Variants in HEATR1 observed in about 807,000 individuals in gnomAD.
HEATR1 encodes the protein HEAT repeat containing 1.
HEATR1 carries 77 observed loss-of-function variants against 248.2 expected under a neutral mutation model. The observed-to-expected ratio is 0.31, with a 90% confidence interval of 0.26 to 0.37. The LOEUF is 0.37. Ranked by LOEUF, HEATR1 falls within the 10% of genes least tolerant of loss-of-function variation. HEATR1 has a pLI of 1.00. For synonymous variants in HEATR1, 897 were observed against 923.1 expected (o/e 0.97, Z 0.51); for missense variants, 2,420 against 2,504.9 (o/e 0.97, Z 0.72).
intron 28 of HEATR1, among the ~76,000 whole-genome samples, chr1:236,570,150 G>T (rs186036535): frequency 6.6e-6 from 1 of 152,102 alleles, no homozygotes; most frequent in Non-Finnish European, 1.5e-5. Context: ...TTAGCCGGGC[G>T]TGGTGGCGGG....
At chr1:236,578,311 TTTA>T (rs1321911749) in intron 20 of HEATR1, among the ~76,000 whole-genome samples, 1 of 152,244 alleles carries the variant, frequency 6.6e-6, no homozygotes, top group African/African-American at 2.4e-5. Context: ...TGATTTTGCC[TTTA>T]TTATATTCAT....
intron 23 of HEATR1, 61 bp from the exon 24 acceptor site, chr1:236,574,394 T>G (rs1037051780): frequency 6.6e-7 from 1 of 1,516,988 alleles, no homozygotes; most frequent in Non-Finnish European, 8.9e-7. Flanking sequence ...CCAGAAATAA[T>G]TTTTATATCA....
In HEATR1 at chr1:236,558,319, T is replaced by C. The variant is rs1663031402; in HGVS notation, c.5122A>G (p.Lys1708Glu). The change falls in exon 36 of 45, where the codon AAG (lysine) becomes GAG (glutamate). Residue 1708 changes from lysine to glutamate, a missense_variant. Transcript: ENST00000366582. ...KLIAPERKEEKNVLGSALLCI... is the reference protein window; with the variant it reads ...KLIAPERKEEENVLGSALLCI... ...AGCAGCGCGCTTCCCAGGACATTCT[T>C]CTCCTCCTTTCTCTCTGGAGCAATC... 2 of 1,614,030 alleles carry C rather than the reference T, an allele frequency of 1.2e-6. No homozygotes were observed. Among genetic ancestry groups the C allele is most frequent in the African/African-American group, 2.7e-5 (2 of 74,918 alleles).
chr1:236,586,007 T>C, intron 15 of HEATR1, 66 bp from the exon 16 acceptor site: 1 of 1,568,270 alleles, frequency 6.4e-7, no homozygotes, highest in Non-Finnish European at 8.7e-7. Flanking sequence ...ACATGAAGAA[T>C]TCAGGCAAAC....
chr1:236,571,969 T>C (rs972582013), intron 26 of HEATR1, among the ~76,000 whole-genome samples: 1 of 152,190 alleles, frequency 6.6e-6, no homozygotes, highest in African/African-American at 2.4e-5. Flanking sequence ...TTACTTTGCC[T>C]TTCACATGAA....
At chr1:236,568,909 AAC>A in intron 29 of HEATR1, 85 bp downstream of exon 29, 10 of 969,038 alleles carry the variant, frequency 1.0e-5, no homozygotes, top group East Asian at 3.4e-5. Context: ...AAAAAAAAAA[AAC>A]TAAAAAAAAG....
intron 35 of HEATR1, among the ~76,000 whole-genome samples, chr1:236,558,771 A>G (rs931756826): frequency 5.3e-5 from 8 of 152,236 alleles, no homozygotes; most frequent in African/African-American, 1.9e-4. Context: ...CTCTGTAGTA[A>G]GCAAGAATTC....
At chr1:236,597,798 G>A in intron 5 of HEATR1, 80 bp downstream of exon 5, 1 of 839,668 alleles carries the variant, frequency 1.2e-6, no homozygotes, top group Non-Finnish European at 1.9e-6. Context: ...TTGTTATTAG[G>A]GAATGTTTTA....
At chr1:236,559,161 TGAAAA>T (rs776853737) in intron 34 of HEATR1, 26 bp from the exon 35 acceptor site, 169 of 1,521,100 alleles carry the variant, frequency 1.1e-4, no homozygotes, top group Non-Finnish European at 1.3e-4. Context: ...ATATTTAACA[TGAAAA>T]GAAAAACAAA....
At chr1:236,574,603 CTTCT>C in intron 23 of HEATR1, 54 bp downstream of exon 23, 3 of 1,539,148 alleles carry the variant, frequency 1.9e-6, no homozygotes, top group Non-Finnish European at 2.6e-6. Flanking sequence ...TTCCTGTTGC[CTTCT>C]ACCTTTAAAT....
chr1:236,593,987 A>C (rs746198595), intron 9 of HEATR1, 25 bp downstream of exon 9: 3 of 1,444,906 alleles, frequency 2.1e-6, no homozygotes, highest in Non-Finnish European at 2.9e-6. Context: ...TGTAAATCAA[A>C]AGCATGTCAA....
At position 236,604,048 on chromosome 1, in the gene HEATR1, A is replaced by C; in HGVS notation, c.48T>G (p.Ser16Arg). The C allele has an allele frequency of 6.3e-7, 1 of 1,585,350 alleles. No individual in the cohort carries two copies. Among genetic ancestry groups the C allele is most frequent in the Non-Finnish European group, 8.5e-7 (1 of 1,170,022 alleles). The change falls in exon 2 of 45, where the codon AGT becomes AGG. Residue 16 changes from serine (S) to arginine (R), a missense_variant. Coordinates refer to ENST00000366582, the MANE Select transcript of HEATR1 (RefSeq NM_018072.6). ...CATCTCTAGATAAGAGGCTGGCATC[A>C]CTTTGAGGGAGGGCGAGTCGTTGCA... is the stretch of plus-strand genomic sequence containing the variant. ...QQLQRLALPQ[S>R]DASLLSRDEV...
chr1:236,587,792 T>C (rs79873152), intron 13 of HEATR1, among the ~76,000 whole-genome samples, 156 bp downstream of exon 13: 6 of 152,106 alleles, frequency 3.9e-5, no homozygotes, highest in African/African-American at 1.4e-4. Flanking sequence ...TTCTGTGAGT[T>C]TCTCCTAACC....
intron 14 of HEATR1, among the ~76,000 whole-genome samples, chr1:236,586,718 C>T (rs1553284558): frequency 6.6e-6 from 1 of 151,816 alleles, no homozygotes; most frequent in Non-Finnish European, 1.5e-5. Flanking sequence ...TTTTAATCTG[C>T]TCATCCTGTC....
Position 236,559,785 on chromosome 1 carries a change from T to C in HEATR1, c.4699A>G (p.Arg1567Gly). Reference sequence around the variant, plus strand: ...TTCACGGTGAGTTTGTCTGCGTTCCTTTCCATGGACTGTGCAACTGCACTG... The same window carrying C: ...TTCACGGTGAGTTTGTCTGCGTTCCCTTCCATGGACTGTGCAACTGCACTG... ...YISAVAQSME[R>G]NADKLTVKFW... The change falls in exon 34 of 45, where the codon AGG becomes GGG. Residue 1567 changes from arginine (R) to glycine (G), a missense_variant. By Grantham distance (125) the Arg-to-Gly change is moderately radical (BLOSUM62 -2). Transcript: ENST00000366582. 1 of 1,614,086 alleles carries C rather than the reference T, an allele frequency of 6.2e-7. No individual in the cohort carries two copies. Among genetic ancestry groups the C allele is most frequent in the East Asian group, 2.2e-5 (1 of 44,878 alleles).
intron 6 of HEATR1, 37 bp from the exon 7 acceptor site, chr1:236,596,081 C>A: frequency 7.0e-7 from 1 of 1,436,296 alleles, no homozygotes; most frequent in South Asian, 1.2e-5. Context: ...AATGATAAAC[C>A]ATATTATTTT....
At chr1:236,581,974 C>T (rs1421293675) in intron 19 of HEATR1, among the ~76,000 whole-genome samples, 1 of 152,030 alleles carries the variant, frequency 6.6e-6, no homozygotes, top group Non-Finnish European at 1.5e-5. Flanking sequence ...TTCTATTCAA[C>T]CTACCGATTA....
chr1:236,586,518 A>G lies in HEATR1; in HGVS notation c.1716-66T>C, dbSNP rs1663890269. On this transcript the variant is annotated intron_variant, in intron 14 of 44. Coordinates refer to ENST00000366582, the MANE Select transcript of HEATR1 (RefSeq NM_018072.6). Reference sequence around the variant, plus strand: ...GAAGGCTTCAATTGGGCAAAAATTCATCATTACATTACTCCAGCTTAACTG... The same window carrying G: ...GAAGGCTTCAATTGGGCAAAAATTCGTCATTACATTACTCCAGCTTAACTG... 11 of 944,554 alleles carry G rather than the reference A, an allele frequency of 1.2e-5. No homozygotes were observed. The South Asian group carries it at 1.4e-4, about 12-fold the overall frequency. The allele number at this position is 944,554 out of a possible 1,614,324, so 58.5% of individuals were successfully genotyped here.
At chr1:236,594,516 G>C (rs1664123502) in intron 8 of HEATR1, among the ~76,000 whole-genome samples, 1 of 152,136 alleles carries the variant, frequency 6.6e-6, no homozygotes, top group Non-Finnish European at 1.5e-5. Flanking sequence ...ATCTATTTCA[G>C]ATTTATAATA....
Sources: allele counts gnomAD v4.1 joint callset (sites outside exome capture counted in the v4.1 genomes callset), GRCh38; gene constraint gnomAD v4.1.1; transcripts MANE v1.5; gene names NCBI Gene and HGNC (gene_info 2026-07-23, HGNC 2026-07-21).